TANC1: variants seen among roughly 807,000 people sequenced by gnomAD.
TANC1 encodes the protein tetratricopeptide repeat, ankyrin repeat and coiled-coil containing 1, also known as protein TANC1.
Under a neutral mutation model 149.7 loss-of-function variants are expected in TANC1, and 77 were observed. The ratio of observed to expected loss-of-function variants is 0.51; its 90% CI spans 0.43 to 0.62. The LOEUF (loss-of-function observed/expected upper bound fraction) is 0.62. TANC1 is among the 20% of genes least tolerant of loss of function. The probability of loss-of-function intolerance (pLI) is 0.00; values close to 1 mark genes in which losing one functional copy is unlikely to be tolerated. For missense variants in TANC1, 1,985 were observed against 2,321.8 expected, an observed-to-expected ratio of 0.85 and a Z score of 2.98; for synonymous variants, 854 against 925.0, an observed-to-expected ratio of 0.92 and a Z score of 1.39.
chr2:159,011,536 T>TC (rs2037761273), intron 2 of TANC1, among the ~76,000 whole-genome samples: 1 of 144,776 alleles, frequency 6.9e-6, no homozygotes, highest in South Asian at 2.3e-4. Context: ...AATTTTTTTT[T>TC]TTTTTTTTTT....
At position 159,219,776 on chromosome 2, in the gene TANC1, A is replaced by G; in HGVS notation, c.3587A>G (p.Tyr1196Cys). ...AAAGGTCACAGGGCAGTGGTCCAGT[A>G]TCTGGTTGAAGAAGGAGCTGCAATA... ...CLKGHRAVVQ[Y>C]LVEEGAAIDQ... Residue 1196 changes from tyrosine to cysteine, a missense_variant, in exon 22 of 27, where the codon TAT becomes TGT. Tyr to Cys is a radical substitution (Grantham distance 194). Around this residue, in one of 3 missense-constraint regions of TANC1, gnomAD observed 920 missense variants for 994.7 expected, o/e 0.92. Transcript: ENST00000263635. 2 of 1,614,206 alleles carry G rather than the reference A, an allele frequency of 1.2e-6. No individual in the cohort carries two copies. The highest frequency in any genetic ancestry group is 1.7e-4 in the Middle Eastern group (1 of 6,046).
chr2:159,229,956 C>G lies in TANC1; in HGVS notation c.4530C>G (p.Ile1510Met). The change falls in exon 27 of 27, where the codon ATC (isoleucine) becomes ATG (methionine). Residue 1510 changes from isoleucine to methionine, a missense_variant. This residue lies in a region of TANC1 where 920 missense variants were observed against 994.7 expected (regional missense o/e 0.92). Transcript: ENST00000263635. Reference protein sequence around the residue: ...RPVSPQSRAGIGKSLREPVAQ... With the variant: ...RPVSPQSRAGMGKSLREPVAQ... ...TATCGCCACAGAGCAGGGCAGGAAT[C>G]GGCAAGTCCCTGAGAGAGCCTGTGG... 6.2e-7 allele frequency: 1 copy of G among 1,614,052 alleles called. No individual in the cohort carries two copies. Among genetic ancestry groups the G allele is most frequent in the Non-Finnish European group, 8.5e-7 (1 of 1,180,038 alleles).
At chr2:158,985,297 A>G (rs996121957) in intron 1 of TANC1, among the ~76,000 whole-genome samples, 6 of 152,220 alleles carry the variant, frequency 3.9e-5, no homozygotes, top group South Asian at 2.1e-4. Flanking sequence ...AAAGTAACCT[A>G]GTTCAGCCAG....
At chr2:158,978,043 A>T (rs1046754612) in intron 1 of TANC1, among the ~76,000 whole-genome samples, 4 of 152,160 alleles carry the variant, frequency 2.6e-5, no homozygotes, top group African/African-American at 9.7e-5. Flanking sequence ...TACATTGTAC[A>T]TTCATTATAA....
intron 16 of TANC1, among the ~76,000 whole-genome samples, chr2:159,193,214 T>A (rs10209848): frequency 0.034 from 5,132 of 152,298 alleles, 118 homozygotes; most frequent in African/African-American, 0.065. Flanking sequence ...GTAGTTTCAC[T>A]CAGTATTTGT....
At chr2:159,068,113 T>C (rs560768312) in intron 3 of TANC1, among the ~76,000 whole-genome samples, 2 of 152,308 alleles carry the variant, frequency 1.3e-5, no homozygotes, top group African/African-American at 4.8e-5. Flanking sequence ...CCTGGTTGTA[T>C]TAGGCTAGCA....
intron 11 of TANC1, among the ~76,000 whole-genome samples, chr2:159,173,396 G>A (rs1195383056): frequency 6.6e-6 from 1 of 152,194 alleles, no homozygotes; most frequent in African/African-American, 2.4e-5. Context: ...CCAGTGGTCA[G>A]GAGTTGGAGA....
chr2:159,127,717 G>C (rs1296913863), intron 4 of TANC1, among the ~76,000 whole-genome samples: 1 of 152,166 alleles, frequency 6.6e-6, no homozygotes, highest in Non-Finnish European at 1.5e-5. Flanking sequence ...GTCAGGGCAC[G>C]GGGGGAGGGA....
chr2:159,160,800 CTCT>C (rs1405952923), intron 7 of TANC1, among the ~76,000 whole-genome samples: 1 of 152,164 alleles, frequency 6.6e-6, no homozygotes, highest in Non-Finnish European at 1.5e-5. Context: ...GAAGGGCTGC[CTCT>C]TCTTCCTCAC....
intron 2 of TANC1, among the ~76,000 whole-genome samples, chr2:159,052,278 AG>A (rs1367631122): frequency 6.6e-6 from 1 of 152,108 alleles, no homozygotes; most frequent in African/African-American, 2.4e-5. Flanking sequence ...CTGTCATGCC[AG>A]GCCTGGTTTT....
intron 2 of TANC1, among the ~76,000 whole-genome samples, chr2:159,017,570 T>TTG (rs751450467): frequency 2.1e-4 from 32 of 152,224 alleles, no homozygotes; most frequent in Middle Eastern, 6.8e-3. Flanking sequence ...TATACCTGTT[T>TTG]TGTGTGTGTG....
intron 1 of TANC1, among the ~76,000 whole-genome samples, chr2:158,970,632 G>C (rs1469091765): frequency 6.6e-6 from 1 of 152,194 alleles, no homozygotes; most frequent in Non-Finnish European, 1.5e-5. Context: ...GAAATGAAAA[G>C]TATGTGGCAG....
At chr2:159,008,771 C>T (rs189855840) in intron 2 of TANC1, among the ~76,000 whole-genome samples, 26 of 152,080 alleles carry the variant, frequency 1.7e-4, no homozygotes, top group East Asian at 9.7e-4. Context: ...CAAAATTCAG[C>T]GATAAATTCT....
rs367864377 is a variant in TANC1, at chr2:159,230,433, A to G, written c.5007A>G (p.Pro1669=). ...CCAGCTCAGGCTCTTCTGGTTCTCCATCCAGCAGCATAAAGATGTCAAGTT... is the reference window on the plus strand; with the variant it reads ...CCAGCTCAGGCTCTTCTGGTTCTCCGTCCAGCAGCATAAAGATGTCAAGTT... ...SLTSSGSSGS[P]SSSIKMSSST... The change falls in exon 27 of 27, where the codon CCA becomes CCG. Residue 1669 remains proline, a synonymous_variant. Coordinates refer to ENST00000263635, the MANE Select transcript of TANC1 (RefSeq NM_033394.3). The surrounding 1 kb of genome is among the most constrained non-coding windows in gnomAD (Gnocchi z 4.4). 3.1e-6 allele frequency: 5 copies of G among 1,614,042 alleles called. No individual in the cohort carries two copies. Among genetic ancestry groups the G allele is most frequent in the Non-Finnish European group, 4.2e-6 (5 of 1,180,042 alleles).
Position 159,230,833 on chromosome 2 carries a change from C to A in TANC1, c.5407C>A (p.Leu1803Ile). ...SVHNGAQVKELEESKCQIPVH... is the reference protein window; with the variant it reads ...SVHNGAQVKEIEESKCQIPVH... ...CCACAATGGGGCACAAGTGAAGGAG[C>A]TAGAAGAAAGCAAGTGCCAAATTCC... The change falls in exon 27 of 27, where the codon CTA becomes ATA. Residue 1803 changes from leucine (L) to isoleucine (I), a missense_variant. Leu to Ile is a conservative substitution (Grantham distance 5). Transcript: ENST00000263635. This position sits in a 1 kb window ranked among gnomAD's most constrained non-coding sequence, Gnocchi z 4.4. 6.2e-7 allele frequency: 1 copy of A among 1,614,188 alleles called. No homozygotes were observed.
intron 1 of TANC1, among the ~76,000 whole-genome samples, chr2:158,999,360 A>G (rs1307144343): frequency 6.6e-6 from 1 of 152,234 alleles, no homozygotes; most frequent in East Asian, 1.9e-4. Context: ...GGAAATTTCC[A>G]TGGAGTTACC....
At chr2:159,105,163 T>C (rs1224284003) in intron 4 of TANC1, among the ~76,000 whole-genome samples, 1 of 150,232 alleles carries the variant, frequency 6.7e-6, no homozygotes, top group African/African-American at 2.4e-5. Flanking sequence ...CCTGGCTAAT[T>C]TTTTGTATTT....
intron 1 of TANC1, among the ~76,000 whole-genome samples, chr2:158,987,498 A>C (rs2035149388): frequency 1.3e-5 from 2 of 152,216 alleles, no homozygotes; most frequent in Admixed American, 1.3e-4. Flanking sequence ...ACTGCACTCC[A>C]GCCTGTACAA....
At chr2:159,122,481 CTTT>C (rs544995373) in intron 4 of TANC1, among the ~76,000 whole-genome samples, 1 of 151,816 alleles carries the variant, frequency 6.6e-6, no homozygotes, top group African/African-American at 2.4e-5. Context: ...CAAAAATGAA[CTTT>C]TTTTTCTCAT....
Sources: gnomAD v4.1 joint callset for allele counts (sites outside exome capture counted in the v4.1 genomes callset) on GRCh38, gnomAD v4.1.1 for gene constraint, gnomAD v4.1.1 regional missense constraint, Gnocchi (gnomAD v3.1) non-coding constraint, MANE v1.5 for transcripts, NCBI Gene and HGNC (gene_info 2026-07-23, HGNC 2026-07-21) for gene names.